Variants in INPP4B observed in about 807,000 individuals in gnomAD.
INPP4B encodes inositol polyphosphate 4-phosphatase type II.
INPP4B carries 55 observed loss-of-function variants against 122.5 expected under a neutral mutation model. The observed-to-expected ratio is 0.45, with a 90% CI of 0.36 to 0.56. The LOEUF is 0.56. Ranked by LOEUF, INPP4B falls within the 20% of genes least tolerant of loss-of-function variation. The pLI is 0.00. For missense variants in INPP4B, 1,000 were observed against 1,097.7 expected, an observed-to-expected ratio of 0.91 and a Z score of 1.26; for synonymous variants, 403 against 388.7, an observed-to-expected ratio of 1.04 and a Z score of -0.43.
At chr4:142,278,894 C>T (rs765879321) in intron 9 of INPP4B, among the ~76,000 whole-genome samples, 1 of 151,906 alleles carries the variant, frequency 6.6e-6, no homozygotes, top group African/African-American at 2.4e-5. Context: ...AAGGTCTTGG[C>T]TGTCACCTGG....
intron 2 of INPP4B, among the ~76,000 whole-genome samples, chr4:142,627,648 G>T (rs1473397390): frequency 7.0e-6 from 1 of 143,414 alleles, no homozygotes; most frequent in African/African-American, 2.6e-5. Context: ...TGCTGGATTC[G>T]GTTTGCCAGT....
intron 2 of INPP4B, among the ~76,000 whole-genome samples, chr4:142,585,284 A>T (rs1422650548): frequency 1.3e-5 from 2 of 152,160 alleles, no homozygotes; most frequent in African/African-American, 4.8e-5. Context: ...TAGTTATTTA[A>T]TACTGCCTAT....
At chr4:142,751,293 A>G (rs1217281436) in intron 1 of INPP4B, among the ~76,000 whole-genome samples, 1 of 151,666 alleles carries the variant, frequency 6.6e-6, no homozygotes, top group Non-Finnish European at 1.5e-5. Flanking sequence ...CAAAAAAAAA[A>G]AAAAAAAAAA....
intron 5 of INPP4B, among the ~76,000 whole-genome samples, chr4:142,405,978 C>T (rs1289673390): frequency 6.6e-6 from 1 of 152,114 alleles, no homozygotes; most frequent in African/African-American, 2.4e-5. Flanking sequence ...TCCCTTGAGA[C>T]ACCAGGCTCA....
chr4:142,772,956 G>A (rs1049139753), intron 1 of INPP4B, among the ~76,000 whole-genome samples: 14 of 152,090 alleles, frequency 9.2e-5, no homozygotes, highest in African/African-American at 3.4e-4. Context: ...TGAGTCACTA[G>A]AATTGCTTGA....
At chr4:142,251,018 G>T (rs755482911) in intron 11 of INPP4B, among the ~76,000 whole-genome samples, 23 of 152,140 alleles carry the variant, frequency 1.5e-4, no homozygotes, top group Non-Finnish European at 2.6e-4. Context: ...GAAAGAATTA[G>T]TATGGCTTCC....
intron 11 of INPP4B, among the ~76,000 whole-genome samples, chr4:142,251,653 C>T (rs1732124186): frequency 6.6e-6 from 1 of 152,206 alleles, no homozygotes; most frequent in Admixed American, 6.5e-5. Context: ...CCTGTTCTTC[C>T]TTGGGTTAAT....
At chr4:142,716,496 C>G (rs1196395292) in intron 2 of INPP4B, among the ~76,000 whole-genome samples, 1 of 152,050 alleles carries the variant, frequency 6.6e-6, no homozygotes, top group African/African-American at 2.4e-5. Context: ...AACGGCAGAA[C>G]AAAAAATTAC....
At chr4:142,253,310 T>G (rs1372740521) in intron 11 of INPP4B, among the ~76,000 whole-genome samples, 1 of 152,168 alleles carries the variant, frequency 6.6e-6, no homozygotes, top group Non-Finnish European at 1.5e-5. Context: ...TACAACATTT[T>G]TAAAATCTTT....
At chr4:142,189,579 G>A (rs1834812611) in intron 15 of INPP4B, among the ~76,000 whole-genome samples, 1 of 152,138 alleles carries the variant, frequency 6.6e-6, no homozygotes, top group Admixed American at 6.6e-5. Context: ...TTATAAGGGT[G>A]AAATCTTCAC....
At chr4:142,204,798 G>A (rs1440768200) in intron 14 of INPP4B, among the ~76,000 whole-genome samples, 2 of 152,012 alleles carry the variant, frequency 1.3e-5, no homozygotes, top group East Asian at 3.9e-4. Context: ...GAAGGGACGA[G>A]GAAGGATTAC....
intron 16 of INPP4B, among the ~76,000 whole-genome samples, chr4:142,164,414 A>G (rs547828379): frequency 6.6e-6 from 1 of 151,980 alleles, no homozygotes; most frequent in East Asian, 1.9e-4. Context: ...TTATTATTTT[A>G]GTAATCATCT....
At chr4:142,580,342 A>G (rs1036714328) in intron 2 of INPP4B, among the ~76,000 whole-genome samples, 1 of 151,998 alleles carries the variant, frequency 6.6e-6, no homozygotes, top group African/African-American at 2.4e-5. Flanking sequence ...TATCTGTCAC[A>G]TTGTGCTCAG....
chr4:142,669,635 T>C (rs1756692791), intron 2 of INPP4B, among the ~76,000 whole-genome samples: 1 of 152,186 alleles, frequency 6.6e-6, no homozygotes, highest in African/African-American at 2.4e-5. Context: ...GACCTTTCTC[T>C]CTCATCATAA....
At chr4:142,713,011 G>A (rs1258702895) in intron 2 of INPP4B, among the ~76,000 whole-genome samples, 2 of 152,122 alleles carry the variant, frequency 1.3e-5, no homozygotes, top group African/African-American at 4.8e-5. Flanking sequence ...GAAAGAAATG[G>A]GAATTATGGG....
Position 142,028,749 on chromosome 4 carries a change from T to A in INPP4B, c.*33A>T, listed in dbSNP as rs772118382. Reference sequence around the variant, plus strand: ...GTGAAGATTATCCAACTGAAATGTATTTGTGTTCCTGTTTATTAACATGTT... The same window carrying A: ...GTGAAGATTATCCAACTGAAATGTAATTGTGTTCCTGTTTATTAACATGTT... On this transcript the variant is annotated 3_prime_UTR_variant, in exon 26 of 26. Transcript: ENST00000262992. 4 of 1,592,404 alleles carry A rather than the reference T, an allele frequency of 2.5e-6. No homozygotes were observed. In the South Asian group the frequency reaches 4.6e-5, roughly 18 times the overall value.
chr4:142,258,638 T>A (rs967376389), intron 11 of INPP4B, among the ~76,000 whole-genome samples: 1 of 152,048 alleles, frequency 6.6e-6, no homozygotes, highest in Non-Finnish European at 1.5e-5. Flanking sequence ...GAAATGCAAA[T>A]CAAAACCACA....
chr4:142,628,410 G>A (rs1747047805), intron 2 of INPP4B, among the ~76,000 whole-genome samples: 1 of 86,426 alleles, frequency 1.2e-5, no homozygotes, highest in South Asian at 5.4e-4. Flanking sequence ...GGGGACTGTT[G>A]TGGGGTGGGG....
At chr4:142,806,196 G>A (rs1235099869) in intron 1 of INPP4B, among the ~76,000 whole-genome samples, 1 of 145,644 alleles carries the variant, frequency 6.9e-6, no homozygotes, top group Non-Finnish European at 1.5e-5. Context: ...GGAGAATGGC[G>A]TGAACCCGGG....
Sources: gnomAD v4.1 joint callset for allele counts (sites outside exome capture counted in the v4.1 genomes callset) on GRCh38, gnomAD v4.1.1 for gene constraint, MANE v1.5 for transcripts, NCBI Gene and HGNC (gene_info 2026-07-23, HGNC 2026-07-21) for gene names.